MYO5B: variants seen among roughly 807,000 people sequenced by gnomAD.
The protein encoded by MYO5B is unconventional myosin-Vb.
A neutral mutation model predicts 229.3 loss-of-function variants in MYO5B; 143 were observed. That is an observed-to-expected ratio of 0.62 (90% CI 0.54 to 0.72). The LOEUF is 0.72. Among genes scored for constraint, MYO5B ranks in the 30% least tolerant of loss-of-function variants. MYO5B has a pLI of 0.00. For synonymous variants in MYO5B, 918 were observed against 885.2 expected (o/e 1.04, Z -0.66); for missense variants, 2,321 against 2,331.0 (o/e 1.00, Z 0.09).
chr18:49,975,232 G>T (rs933712190), intron 9 of MYO5B, among the ~76,000 whole-genome samples: 2 of 152,150 alleles, frequency 1.3e-5, no homozygotes, highest in African/African-American at 4.8e-5. Context: ...GGCTCCTAAG[G>T]TGGATGGGCC....
intron 39 of MYO5B, among the ~76,000 whole-genome samples, chr18:49,832,380 T>G (rs1199816869): frequency 6.6e-6 from 1 of 152,238 alleles, no homozygotes; most frequent in Admixed American, 6.5e-5. Flanking sequence ...GCATTAACCA[T>G]TGACCTCTGA....
chr18:50,072,610 T>C (rs955893951), intron 1 of MYO5B, among the ~76,000 whole-genome samples: 1 of 152,158 alleles, frequency 6.6e-6, no homozygotes, highest in African/African-American at 2.4e-5. Context: ...ACTCAACACC[T>C]CATGTGGGCA....
intron 7 of MYO5B, among the ~76,000 whole-genome samples, chr18:49,985,657 A>T (rs189850956): frequency 3.3e-4 from 51 of 152,314 alleles, no homozygotes; most frequent in African/African-American, 1.1e-3. Flanking sequence ...CCTGCCTGGT[A>T]CTATCCTGCC....
At chr18:50,008,667 G>A (rs2026129300) in intron 4 of MYO5B, among the ~76,000 whole-genome samples, 1 of 152,106 alleles carries the variant, frequency 6.6e-6, no homozygotes, top group Non-Finnish European at 1.5e-5. Flanking sequence ...CACACACTAT[G>A]GTTGCAAAAC....
At chr18:49,981,104 T>C (rs144914702) in intron 8 of MYO5B, among the ~76,000 whole-genome samples, 123 of 152,362 alleles carry the variant, frequency 8.1e-4, no homozygotes, top group East Asian at 4.0e-3. Flanking sequence ...CTATATGCAC[T>C]GTCATAGGCA....
At chr18:49,981,273 ACT>A (rs1174616502) in intron 8 of MYO5B, among the ~76,000 whole-genome samples, 2 of 152,258 alleles carry the variant, frequency 1.3e-5, no homozygotes, top group East Asian at 3.8e-4. Context: ...TTTTTAAAAG[ACT>A]ACAGAACAAT....
chr18:50,038,347 G>A (rs759512357), intron 3 of MYO5B, among the ~76,000 whole-genome samples: 11 of 152,154 alleles, frequency 7.2e-5, no homozygotes, highest in South Asian at 4.1e-4. Context: ...CACTGGGAAC[G>A]CGAAGTGTAA....
chr18:49,895,581 C>T (rs2144132114), intron 21 of MYO5B, among the ~76,000 whole-genome samples: 1 of 152,304 alleles, frequency 6.6e-6, no homozygotes, highest in Non-Finnish European at 1.5e-5. Context: ...GCCCTCCTGC[C>T]TGTGGACTTG....
At chr18:49,955,599 T>C (rs2025483924) in intron 12 of MYO5B, among the ~76,000 whole-genome samples, 1 of 152,220 alleles carries the variant, frequency 6.6e-6, no homozygotes, top group Non-Finnish European at 1.5e-5. Flanking sequence ...GGGAACCAAT[T>C]TCTTAAATCC....
chr18:49,977,442 T>G (rs75640266), intron 9 of MYO5B, among the ~76,000 whole-genome samples: 1 of 152,116 alleles, frequency 6.6e-6, no homozygotes, highest in Non-Finnish European at 1.5e-5. Context: ...GCCTTTCCAA[T>G]AGAAGCTCCA....
At chr18:49,852,689 T>G (rs1247762425) in intron 31 of MYO5B, among the ~76,000 whole-genome samples, 2 of 152,130 alleles carry the variant, frequency 1.3e-5, no homozygotes, top group Non-Finnish European at 1.5e-5. Context: ...CCTTCACTCC[T>G]GTCTGGGTGC....
chr18:49,848,560 A>C (rs982982160), intron 32 of MYO5B, among the ~76,000 whole-genome samples: 7 of 120,032 alleles, frequency 5.8e-5, no homozygotes, highest in Non-Finnish European at 9.2e-5. Flanking sequence ...TTCATTCTGC[A>C]GGCAATAAGG....
chr18:49,835,437 A>G lies in MYO5B; in HGVS notation c.5314-13T>C. ...AAATTTTGACAATCTGTTGGGGATA[A>G]AAACGGAATTTAGCACAGAGCTAAA... On this transcript the variant is annotated splice_polypyrimidine_tract_variant and intron_variant, in intron 38 of 39. Transcript: ENST00000285039. 5 of 1,577,774 alleles carry G rather than the reference A, an allele frequency of 3.2e-6. No homozygotes were observed. Among genetic ancestry groups the G allele is most frequent in the Non-Finnish European group, 3.5e-6 (4 of 1,147,102 alleles).
At chr18:49,858,981 G>C (rs574206936) in intron 29 of MYO5B, among the ~76,000 whole-genome samples, 11 of 152,226 alleles carry the variant, frequency 7.2e-5, no homozygotes, top group Non-Finnish European at 1.2e-4. Flanking sequence ...TGTTGAAAAT[G>C]TAAGTGCTTG....
intron 1 of MYO5B, among the ~76,000 whole-genome samples, chr18:50,063,417 G>A (rs1032594718): frequency 1.3e-5 from 2 of 152,150 alleles, no homozygotes; most frequent in African/African-American, 4.8e-5. Context: ...GAGCCCATTA[G>A]GTAGACTCCC....
intron 27 of MYO5B, among the ~76,000 whole-genome samples, chr18:49,866,300 A>G (rs545080207): frequency 1.3e-5 from 2 of 148,850 alleles, no homozygotes; most frequent in South Asian, 4.3e-4. Context: ...CGATCTCCTG[A>G]CCTCGTGATC....
chr18:49,984,690 C>T (rs1429646675), intron 8 of MYO5B, 28 bp downstream of exon 8: 2 of 1,542,772 alleles, frequency 1.3e-6, no homozygotes, highest in Admixed American at 1.7e-5. Flanking sequence ...CCCTCGGGGC[C>T]TGCTTCCCCA....
At chr18:49,827,953 C>T (rs1270316988) in intron 39 of MYO5B, among the ~76,000 whole-genome samples, 1 of 152,100 alleles carries the variant, frequency 6.6e-6, no homozygotes, top group Non-Finnish European at 1.5e-5. Flanking sequence ...CACATACAGT[C>T]ATCCCTCAGT....
intron 1 of MYO5B, among the ~76,000 whole-genome samples, chr18:50,104,370 T>G (rs980420753): frequency 6.6e-6 from 1 of 151,394 alleles, no homozygotes; most frequent in Non-Finnish European, 1.5e-5. Flanking sequence ...TACCAATTTT[T>G]AAAAAAATGT....
Sources: allele counts gnomAD v4.1 joint callset (sites outside exome capture counted in the v4.1 genomes callset), GRCh38; gene constraint gnomAD v4.1.1; transcripts MANE v1.5; gene names NCBI Gene and HGNC (gene_info 2026-07-23, HGNC 2026-07-21).